PIGQ: variants seen among roughly 807,000 people sequenced by gnomAD.
The protein encoded by PIGQ is phosphatidylinositol glycan anchor biosynthesis class Q.
In PIGQ, 54 loss-of-function variants were observed where a neutral mutation model predicts 60.3. The ratio of observed to expected loss-of-function variants is 0.90; its 90% CI spans 0.72 to 1.12. The LOEUF (loss-of-function observed/expected upper bound fraction) is 1.12. PIGQ is among the 50% of genes most tolerant of loss of function. PIGQ has a pLI of 0.00. For missense variants in PIGQ, 799 were observed against 793.5 expected (o/e 1.01, Z -0.08); for synonymous variants, 416 against 363.7 (o/e 1.14, Z -1.64).
At chr16:573,478 T>C (rs2035666280) in intron 1 of PIGQ, among the ~76,000 whole-genome samples, 1 of 152,108 alleles carries the variant, frequency 6.6e-6, no homozygotes, top group East Asian at 1.9e-4. Flanking sequence ...AGGGAGGGGC[T>C]TGTGGGAGGC....
In PIGQ at chr16:580,237, G is replaced by GC; in HGVS notation, c.1393dup (p.Leu465ProfsTer318). 1 of 1,612,522 alleles carries GC rather than the reference G, an allele frequency of 6.2e-7. No homozygotes were observed. The highest frequency in any genetic ancestry group is 8.5e-7 in the Non-Finnish European group (1 of 1,179,208). ...CCTGCTCTTCCTCCTGCCTACCACA[G>GC]CCCTGTACTACCTGGTGTTCACCCT... On this transcript the variant is annotated frameshift_variant, in exon 8 of 11. Coordinates refer to ENST00000321878, the MANE Select transcript of PIGQ (RefSeq NM_004204.5). LOFTEE classifies it high-confidence loss of function.
At position 582,153 on chromosome 16, in the gene PIGQ, G is replaced by C. The variant is rs1348041349; in HGVS notation, c.1532-95G>C. 8.9e-6 allele frequency: 8 copies of C among 900,450 alleles called. No individual in the cohort carries two copies. In the South Asian group the frequency reaches 1.1e-4, roughly 13 times the overall value. 55.8% of individuals were successfully genotyped at this position (900,450 alleles called of 1,614,324 possible). A position where few individuals can be genotyped will look rare whatever the true frequency, so the allele number is the denominator to read the frequency against. ...TGGGTGGCCACGGCCAGCAGCACCC[G>C]GGTGCCCCTCAGAGAGGAAGGTACC... On this transcript the variant is annotated intron_variant, in intron 9 of 10. Transcript: ENST00000321878.
At position 583,784 on chromosome 16, in the gene PIGQ, A is replaced by G. The variant is rs1403731765; in HGVS notation, c.*749A>G. ...CCTGCGGCCAAATCTGTCTCCCTTC[A>G]TGGGCCTCCCAGGGAAGGAGGAAGC... On this transcript the variant is annotated 3_prime_UTR_variant, in exon 11 of 11. Coordinates refer to ENST00000321878, the MANE Select transcript of PIGQ (RefSeq NM_004204.5). The G allele has an allele frequency of 3.5e-6, 3 of 855,664 alleles. No homozygotes were observed. The highest frequency in any genetic ancestry group is 2.6e-5 in the East Asian group (1 of 38,084). 53.0% of individuals were successfully genotyped at this position (855,664 alleles called of 1,614,324 possible). A position where few individuals can be genotyped will look rare whatever the true frequency, so the allele number is the denominator to read the frequency against.
At position 583,328 on chromosome 16, in the gene PIGQ, A is replaced by G. The variant is rs150313619; in HGVS notation, c.*293A>G. ...GCGAGCACAGCAACCCCAGGTGTCC[A>G]GAGCACTGCCCCATGCCCACCCTGT... is the stretch of plus-strand genomic sequence containing the variant. On this transcript the variant is annotated 3_prime_UTR_variant, in exon 11 of 11. Coordinates refer to ENST00000321878, the MANE Select transcript of PIGQ (RefSeq NM_004204.5). 2.6e-5 allele frequency: 42 copies of G among 1,612,430 alleles called. No individual in the cohort carries two copies. The African/African-American group carries it at 5.5e-4, about 21-fold the overall frequency.
At position 574,523 on chromosome 16, in the gene PIGQ, G is replaced by T. The variant is rs1473917946; in HGVS notation, c.449G>T (p.Arg150Leu). Reference protein sequence around the residue: ...QLHLPTVLPDRQAGATTASTG... With the variant: ...QLHLPTVLPDLQAGATTASTG... ...CACCTGCCCACCGTCCTGCCCGACC[G>T]CCAGGCTGGAGCCACCACTGCCAGC... The change falls in exon 2 of 11, where the codon CGC (arginine) becomes CTC (leucine). Residue 150 changes from arginine (R) to leucine (L), a missense_variant. Physicochemically the swap from Arg to Leu is moderately radical, Grantham distance 102. Coordinates refer to ENST00000321878, the MANE Select transcript of PIGQ (RefSeq NM_004204.5). 6.2e-7 allele frequency: 1 copy of T among 1,606,694 alleles called. No homozygotes were observed. The highest frequency in any genetic ancestry group is 1.1e-5 in the South Asian group (1 of 90,078).
chr16:575,564 G>A (rs577356693), intron 2 of PIGQ, among the ~76,000 whole-genome samples: 3 of 152,292 alleles, frequency 2.0e-5, no homozygotes, highest in East Asian at 3.9e-4. Context: ...GCTGGCAGGC[G>A]CTTCTTGGCA....
rs772082265 is a variant in PIGQ at position 579,049 on chromosome 16, G to A, written c.1224-20G>A. 7.5e-6 allele frequency: 12 copies of A among 1,597,006 alleles called. No individual in the cohort carries two copies. The highest frequency in any genetic ancestry group is 6.7e-5 in the African/African-American group (5 of 74,662). Reference sequence around the variant, plus strand: ...GGCGGGGCGGGGCGGGGCCGGGCCCGACAGCACTGCGTCCTGTAGGCTGTA... The same window carrying A: ...GGCGGGGCGGGGCGGGGCCGGGCCCAACAGCACTGCGTCCTGTAGGCTGTA... On this transcript the variant is annotated intron_variant, in intron 6 of 10. Transcript: ENST00000321878.
At position 582,283 on chromosome 16, in the gene PIGQ, G is replaced by A. The variant is rs7187227; in HGVS notation, c.1567G>A (p.Gly523Ser). The A allele has an allele frequency of 0.18, 289,154 of 1,588,056 alleles. 29,081 individuals are homozygous for A. The highest frequency in any genetic ancestry group is 0.25 in the South Asian group (21,857 of 87,580). Reference protein sequence around the residue: ...VKFRVLRHEAGRPLRLLMQIN... With the variant: ...VKFRVLRHEASRPLRLLMQIN... ...GTTCCGTGTCCTCCGGCACGAGGCC[G>A]GCAGGCCCCTCCGCCTCCTGATGCA... is the stretch of plus-strand genomic sequence containing the variant. The change falls in exon 10 of 11, where the codon GGC becomes AGC. Residue 523 changes from glycine to serine, a missense_variant. Gly to Ser is a moderately conservative substitution (Grantham distance 56). Transcript: ENST00000321878.
At chr16:580,321 G>C (rs1044945540) in intron 8 of PIGQ, 58 bp downstream of exon 8, 16 of 1,363,182 alleles carry the variant, frequency 1.2e-5, no homozygotes, top group Non-Finnish European at 1.2e-5. Context: ...GCTTCTGCCA[G>C]CGCTGCCTGG....
rs2035835256 is a variant in PIGQ at position 582,894 on chromosome 16, G to A, written c.1605G>A (p.Leu535=). The A allele has an allele frequency of 6.2e-7, 1 of 1,604,316 alleles. No individual in the cohort carries two copies. The highest frequency in any genetic ancestry group is 2.2e-5 in the East Asian group (1 of 44,684). The change falls in exon 11 of 11, where the codon CTG becomes CTA. Residue 535 remains leucine, a synonymous_variant. Transcript: ENST00000321878. ...CCTTGTCCTTCCAGATAAACCCACT[G>A]CCCTACAGCCGCGTGGTGCACACCT... ...PLRLLMQINP[L]PYSRVVHTYR... is the part of the protein sequence containing the mutation.
At chr16:580,141 C>CG (rs767950205) in intron 7 of PIGQ, 42 bp from the exon 8 acceptor site, 8 of 1,530,078 alleles carry the variant, frequency 5.2e-6, no homozygotes, top group Non-Finnish European at 7.2e-6. Flanking sequence ...TCCCTGGGCG[C>CG]GGGGTCCTGC....
At chr16:572,044 C>A (rs1340883121) in intron 1 of PIGQ, among the ~76,000 whole-genome samples, 1 of 152,240 alleles carries the variant, frequency 6.6e-6, no homozygotes, top group South Asian at 2.1e-4. Context: ...TACTGTTAGA[C>A]CCATTGTGTT....
At chr16:580,565 G>C in intron 8 of PIGQ, 1 of 553,090 alleles carries the variant, frequency 1.8e-6, no homozygotes, top group East Asian at 2.9e-5. Context: ...GACAGTGGGA[G>C]GTGAGCAGAA....
chr16:582,463 C>A (rs903194523), intron 10 of PIGQ, 154 bp downstream of exon 10: 8 of 608,776 alleles, frequency 1.3e-5, no homozygotes, highest in African/African-American at 1.3e-4. Flanking sequence ...CCACGCGGGA[C>A]CCCCTCCCCC....
rs568568536 is a variant in PIGQ, at chr16:576,125, C to G, written c.822-9C>G. The G allele has an allele frequency of 1.3e-6, 2 of 1,547,522 alleles. No individual in the cohort carries two copies. Among genetic ancestry groups the G allele is most frequent in the South Asian group, 1.2e-5 (1 of 84,044 alleles). On this transcript the variant is annotated splice_polypyrimidine_tract_variant and intron_variant, in intron 3 of 10. Coordinates refer to ENST00000321878, the MANE Select transcript of PIGQ (RefSeq NM_004204.5). ...CCCTCATGCCGGCCGGGCCGGACCTCCCTTCCAGGAAGGCCAACACGGTGG... is the reference window on the plus strand; with the variant it reads ...CCCTCATGCCGGCCGGGCCGGACCTGCCTTCCAGGAAGGCCAACACGGTGG...
chr16:579,016 GGGGGC>G lies in PIGQ; in HGVS notation c.1224-32_1224-28del, dbSNP rs929429514. 5.6e-4 allele frequency: 856 copies of G among 1,519,494 alleles called. 1 individual carries two copies. The highest frequency in any genetic ancestry group is 9.4e-4 in the African/African-American group (67 of 71,028). 94.1% of individuals were successfully genotyped at this position (1,519,494 alleles called of 1,614,324 possible). On this transcript the variant is annotated intron_variant, in intron 6 of 10. Coordinates refer to ENST00000321878, the MANE Select transcript of PIGQ (RefSeq NM_004204.5). The stretch of plus-strand genomic sequence containing the variant: ...GGCTGGGCGGGCGTTCGAGTGGGGC[GGGGGC>G]GGGGCGGGGCGGGGCGGGGCCGGGC...
chr16:573,407 G>T (rs1320306062), intron 1 of PIGQ, among the ~76,000 whole-genome samples: 2 of 152,166 alleles, frequency 1.3e-5, no homozygotes, highest in African/African-American at 4.8e-5. Flanking sequence ...GTGGGCGGGG[G>T]TCAGAGTGGA....
At position 583,474 on chromosome 16, in the gene PIGQ, C is replaced by A; in HGVS notation, c.*439C>A. 6.2e-7 allele frequency: 1 copy of A among 1,612,672 alleles called. No individual in the cohort carries two copies. Among genetic ancestry groups the A allele is most frequent in the Non-Finnish European group, 8.5e-7 (1 of 1,179,896 alleles). ...GTGGAGGGACCTTGCCAGGATGAAC[C>A]CCCCAGTCCCAGGCACCCTCTAGCT... On this transcript the variant is annotated 3_prime_UTR_variant, in exon 11 of 11. Coordinates refer to ENST00000321878, the MANE Select transcript of PIGQ (RefSeq NM_004204.5).
chr16:582,174 G>T (rs748737844), intron 9 of PIGQ, 74 bp from the exon 10 acceptor site: 1 of 1,088,730 alleles, frequency 9.2e-7, no homozygotes. Context: ...AGAGAGGAAG[G>T]TACCTGCAGC....
Sources: gnomAD v4.1 joint callset for allele counts (sites outside exome capture counted in the v4.1 genomes callset) on GRCh38, gnomAD v4.1.1 for gene constraint, MANE v1.5 for transcripts, NCBI Gene and HGNC (gene_info 2026-07-23, HGNC 2026-07-21) for gene names.